The following ENPP3 variants were observed in gnomAD, a reference collection of about 807,000 sequenced individuals.
ENPP3 encodes the protein ectonucleotide pyrophosphatase/phosphodiesterase family member 3.
ENPP3 carries 104 observed loss-of-function variants against 117.8 expected under a neutral mutation model. The ratio of observed to expected loss-of-function variants is 0.88; its 90% CI spans 0.75 to 1.04. The LOEUF is 1.04. ENPP3 is among the 50% of genes least tolerant of loss of function. The pLI is 0.00. For synonymous variants in ENPP3, 380 were observed against 349.9 expected (o/e 1.09, Z -0.96); for missense variants, 1,026 against 1,051.9 (o/e 0.98, Z 0.34).
intron 15 of ENPP3, chr6:131,709,989 A>G: frequency 6.2e-7 from 1 of 1,601,886 alleles, no homozygotes; most frequent in East Asian, 2.2e-5. Context: ...TGTCCACTTC[A>G]GATAACTGAA....
chr6:131,732,817 G>A (rs1420058725), intron 20 of ENPP3, among the ~76,000 whole-genome samples: 2 of 147,722 alleles, frequency 1.4e-5, no homozygotes, highest in South Asian at 2.2e-4. Flanking sequence ...GCTCACCTCC[G>A]CCTCCCGGTT....
At chr6:131,738,674 T>C (rs2114573817) in intron 23 of ENPP3, among the ~76,000 whole-genome samples, 1 of 152,276 alleles carries the variant, frequency 6.6e-6, no homozygotes, top group African/African-American at 2.4e-5. Flanking sequence ...ACTGTACATT[T>C]TAGTATTAAG....
At chr6:131,680,652 C>A (rs959127313) in intron 11 of ENPP3, among the ~76,000 whole-genome samples, 1 of 152,128 alleles carries the variant, frequency 6.6e-6, no homozygotes, top group African/African-American at 2.4e-5. Context: ...TAGTTTTAAT[C>A]GCATACCTTT....
At chr6:131,660,186 A>G (rs1347668643) in intron 6 of ENPP3, among the ~76,000 whole-genome samples, 1 of 152,056 alleles carries the variant, frequency 6.6e-6, no homozygotes, top group East Asian at 1.9e-4. Context: ...TTGAGGGAAA[A>G]TTGAAAAAGG....
chr6:131,693,078 G>T (rs1257404485), intron 14 of ENPP3, among the ~76,000 whole-genome samples: 2 of 141,330 alleles, frequency 1.4e-5, no homozygotes, highest in Non-Finnish European at 1.5e-5. Context: ...TATTATATAT[G>T]GTTATATATT....
Position 131,724,905 on chromosome 6 carries a change from A to T in ENPP3, c.1798+814A>T, listed in dbSNP as rs1047993811. Among the ~76,000 whole-genome samples, 8 of 151,758 alleles carry T rather than the reference A, an allele frequency of 5.3e-5. 1 individual carries two copies. The highest frequency in any genetic ancestry group is 5.3e-4 in the Admixed American group (8 of 15,210). On this transcript the variant is annotated intron_variant, in intron 19 of 24. Transcript: ENST00000357639. ...TGCAAAATTAATTGTGTTTTTTTCTATTAAAAGTAATGGCAAAAAACAGCA... is the reference window on the plus strand; with the variant it reads ...TGCAAAATTAATTGTGTTTTTTTCTTTTAAAAGTAATGGCAAAAAACAGCA...
Position 131,677,916 on chromosome 6 carries a change from T to C in ENPP3, c.987T>C (p.His329=), listed in dbSNP as rs1280014337. The change falls in exon 11 of 25, where the codon CAT becomes CAC. Residue 329 remains histidine (H), a synonymous_variant. Transcript: ENST00000357639. ...MYFEEPDSSG[H]AGGPVSARVI... ...TTGAAGAACCTGATTCCTCTGGACATGCAGGTGGACCAGTCAGTGCCAGAG... is the reference window on the plus strand; with the variant it reads ...TTGAAGAACCTGATTCCTCTGGACACGCAGGTGGACCAGTCAGTGCCAGAG... 1.9e-6 allele frequency: 3 copies of C among 1,611,374 alleles called. No individual in the cohort carries two copies. Among genetic ancestry groups the C allele is most frequent in the Non-Finnish European group, 2.5e-6 (3 of 1,177,768 alleles).
intron 2 of ENPP3, among the ~76,000 whole-genome samples, chr6:131,646,335 G>A (rs1239828572): frequency 6.7e-6 from 1 of 149,698 alleles, no homozygotes; most frequent in Non-Finnish European, 1.5e-5. Flanking sequence ...TTTGCTCCCT[G>A]CATTATTTCC....
At chr6:131,738,214 T>G in intron 23 of ENPP3, 51 bp downstream of exon 23, 2 of 1,458,166 alleles carry the variant, frequency 1.4e-6, no homozygotes, top group South Asian at 1.2e-5. Context: ...GAGGGGAAAT[T>G]CCAATATTTT....
chr6:131,656,675 G>A (rs1387905753), intron 5 of ENPP3, among the ~76,000 whole-genome samples: 1 of 151,806 alleles, frequency 6.6e-6, no homozygotes, highest in Non-Finnish European at 1.5e-5. Flanking sequence ...GTTGACGCAG[G>A]AGAATGGTGT....
chr6:131,671,888 T>C (rs1022761794), intron 7 of ENPP3, among the ~76,000 whole-genome samples: 15 of 152,168 alleles, frequency 9.9e-5, no homozygotes, highest in African/African-American at 3.6e-4. Context: ...ATTAAATTAT[T>C]TAAGATAGAT....
chr6:131,740,287 AAAC>A lies in ENPP3; in HGVS notation c.2367_2369del (p.Asn789del), dbSNP rs1383172796. On this transcript the variant is annotated inframe_deletion, in exon 24 of 25. Transcript: ENST00000357639. Reference sequence around the variant, plus strand: ...ACTTTGTGGTGCTGACCAGTTGTAAAAACAAGAGCCACACACCGGAAAACTGCC... The same window carrying A: ...ACTTTGTGGTGCTGACCAGTTGTAAAAAGAGCCACACACCGGAAAACTGCC... 6.2e-7 allele frequency: 1 copy of A among 1,613,256 alleles called. No individual in the cohort carries two copies. The highest frequency in any genetic ancestry group is 8.5e-7 in the Non-Finnish European group (1 of 1,179,610).
chr6:131,677,723 AACTACTG>A, intron 10 of ENPP3, 138 bp from the exon 11 acceptor site: 1 of 576,348 alleles, frequency 1.7e-6, no homozygotes, highest in Non-Finnish European at 3.1e-6. Context: ...AGCCAAGTAG[AACTACTG>A]GGTCTGAACA....
At chr6:131,662,182 C>G (rs1416977994) in intron 6 of ENPP3, among the ~76,000 whole-genome samples, 1 of 152,122 alleles carries the variant, frequency 6.6e-6, no homozygotes, top group Non-Finnish European at 1.5e-5. Context: ...TTCTTCTTGG[C>G]ACCCTTTTTG....
At chr6:131,650,651 A>G (rs77679222) in intron 3 of ENPP3, among the ~76,000 whole-genome samples, 4 of 152,128 alleles carry the variant, frequency 2.6e-5, no homozygotes, top group Admixed American at 6.5e-5. Context: ...TGGAAGTCCA[A>G]CTTCTAGGTG....
At chr6:131,717,148 C>T (rs1779909326) in intron 15 of ENPP3, among the ~76,000 whole-genome samples, 1 of 152,064 alleles carries the variant, frequency 6.6e-6, no homozygotes, top group African/African-American at 2.4e-5. Flanking sequence ...CTCTTTTCTT[C>T]CCTCTACTGG....
chr6:131,709,634 C>T, intron 15 of ENPP3: 1 of 1,611,502 alleles, frequency 6.2e-7, no homozygotes, highest in East Asian at 2.2e-5. Flanking sequence ...TTATCATGTC[C>T]TCTTTTCTCG....
In ENPP3 at chr6:131,720,301, C is replaced by T. The variant is rs1265182987; in HGVS notation, c.1489C>T (p.Leu497=). The part of the protein sequence containing the change: ...NEFRSMEAIF[L]AHGPSFKEKT... Reference sequence around the variant, plus strand: ...GACTATTATGACCTAGGCTATCTTTCTGGCACATGGACCCAGTTTTAAAGA... The same window carrying T: ...GACTATTATGACCTAGGCTATCTTTTTGGCACATGGACCCAGTTTTAAAGA... Residue 497 remains leucine (L), a synonymous_variant, in exon 17 of 25, where the codon CTG becomes TTG. Transcript: ENST00000357639. The T allele has an allele frequency of 6.3e-7, 1 of 1,587,786 alleles. No individual in the cohort carries two copies. The highest frequency in any genetic ancestry group is 1.4e-5 in the African/African-American group (1 of 74,018).
intron 16 of ENPP3, among the ~76,000 whole-genome samples, chr6:131,719,898 G>C (rs1038631489): frequency 6.6e-6 from 1 of 151,876 alleles, no homozygotes; most frequent in African/African-American, 2.4e-5. Context: ...TAACATATTC[G>C]ATTAACATAT....
Sources: allele counts gnomAD v4.1 joint callset (sites outside exome capture counted in the v4.1 genomes callset), GRCh38; gene constraint gnomAD v4.1.1; transcripts MANE v1.5; gene names NCBI Gene and HGNC (gene_info 2026-07-23, HGNC 2026-07-21).